The following ZNF18 variants were observed in gnomAD, a reference collection of about 807,000 sequenced individuals.
ZNF18 encodes the protein heart development-specific gene 1 protein.
ZNF18 carries 42 observed loss-of-function variants against 58.1 expected under a neutral mutation model. The observed-to-expected ratio is 0.72, with a 90% CI of 0.56 to 0.93. The LOEUF is 0.93. Among genes scored for constraint, ZNF18 ranks in the 40% least tolerant of loss-of-function variants. ZNF18 has a pLI of 0.00. For missense variants in ZNF18, 540 were observed against 644.2 expected (o/e 0.84, Z 1.75); for synonymous variants, 231 against 239.8 (o/e 0.96, Z 0.34).
At position 11,992,924 on chromosome 17, in the gene ZNF18, T is replaced by G. The variant is rs1257486464; in HGVS notation, c.-82-13A>C. Reference sequence around the variant, plus strand: ...CTTCACCAGGACACTAAAAAGGGAATGAGATTGAGTGCTACACAGAGGAAG... The same window carrying G: ...CTTCACCAGGACACTAAAAAGGGAAGGAGATTGAGTGCTACACAGAGGAAG... On this transcript the variant is annotated splice_polypyrimidine_tract_variant and intron_variant, in intron 1 of 6. Transcript: ENST00000580306. 2.2e-6 allele frequency: 3 copies of G among 1,368,518 alleles called. No homozygotes were observed. The highest frequency in any genetic ancestry group is 2.9e-5 in the African/African-American group (2 of 68,652). The allele number at this position is 1,368,518 out of a possible 1,614,324, so 84.8% of individuals were successfully genotyped here.
chr17:12,010,986 CTTGT>C, the ZNF18 span: 1 of 735,082 alleles, frequency 1.4e-6, no homozygotes, highest in South Asian at 1.4e-5. Context: ...TTGCCCTTAA[CTTGT>C]TTGTTTACAA....
the ZNF18 span, among the ~76,000 whole-genome samples, chr17:12,015,318 G>C: frequency 6.6e-6 from 1 of 152,136 alleles, no homozygotes; most frequent in South Asian, 2.1e-4. Flanking sequence ...TGCATGTGAG[G>C]CCCTTTCTTG....
rs1328015806 is a variant in ZNF18, at chr17:11,997,455, G to A, written c.-107C>T. 2 of 152,264 alleles carry A rather than the reference G, an allele frequency of 1.3e-5. No homozygotes were observed. The highest frequency in any genetic ancestry group is 4.8e-5 in the African/African-American group (2 of 41,454). 9.4% of individuals were successfully genotyped at this position (152,264 alleles called of 1,614,324 possible). A position where few individuals can be genotyped will look rare whatever the true frequency, so the allele number is the denominator to read the frequency against. On this transcript the variant is annotated 5_prime_UTR_variant, in exon 1 of 7. Coordinates refer to ENST00000580306, the MANE Select transcript of ZNF18 (RefSeq NM_001303281.2). ...CCTCGGCCCGCGGCGCCGGCTCCGG[G>A]CGCACTTCCGGGAGCTGGGTGGCTG...
chr17:11,991,991 A>G (rs1202070192), intron 2 of ZNF18, among the ~76,000 whole-genome samples: 2 of 152,030 alleles, frequency 1.3e-5, no homozygotes, highest in Non-Finnish European at 2.9e-5. Context: ...GAAGCATGGA[A>G]GCTCCACGCT....
At chr17:12,020,828 G>A in the ZNF18 span, 5 of 790,792 alleles carry the variant, frequency 6.3e-6, no homozygotes, top group East Asian at 3.5e-5. Context: ...GGCCGTGCGA[G>A]AGGCCGAGCT....
At position 11,992,895 on chromosome 17, in the gene ZNF18, A is replaced by G; in HGVS notation, c.-66T>C. On this transcript the variant is annotated 5_prime_UTR_variant, in exon 2 of 7. Coordinates refer to ENST00000580306, the MANE Select transcript of ZNF18 (RefSeq NM_001303281.2). ...AGTGGAATTGTCTCCGGCAAGAACT[A>G]GGTCTTCACCAGGACACTAAAAAGG... 1 of 1,530,852 alleles carries G rather than the reference A, an allele frequency of 6.5e-7. No homozygotes were observed. Among genetic ancestry groups the G allele is most frequent in the Non-Finnish European group, 8.8e-7 (1 of 1,140,834 alleles). The allele number at this position is 1,530,852 out of a possible 1,614,324, so 94.8% of individuals were successfully genotyped here. A position where few individuals can be genotyped will look rare whatever the true frequency, so the allele number is the denominator to read the frequency against.
intron 4 of ZNF18, among the ~76,000 whole-genome samples, chr17:11,984,817 GTTTT>G (rs1967632389): frequency 6.6e-6 from 1 of 152,040 alleles, no homozygotes; most frequent in Non-Finnish European, 1.5e-5. Flanking sequence ...GGTACTATTT[GTTTT>G]TTGTTTTTGT....
At chr17:11,987,160 T>C (rs1967804830) in intron 4 of ZNF18, among the ~76,000 whole-genome samples, 1 of 152,208 alleles carries the variant, frequency 6.6e-6, no homozygotes, top group South Asian at 2.1e-4. Flanking sequence ...GGCACCATCT[T>C]GTGGGTTTAT....
intron 1 of ZNF18, among the ~76,000 whole-genome samples, chr17:11,993,232 A>C (rs1379190959): frequency 6.6e-6 from 1 of 152,208 alleles, no homozygotes. Context: ...CGGCTCTTCT[A>C]CAAAACACTT....
chr17:11,979,954 A>G (rs975109710), intron 6 of ZNF18, among the ~76,000 whole-genome samples: 1 of 152,182 alleles, frequency 6.6e-6, no homozygotes, highest in Non-Finnish European at 1.5e-5. Context: ...ATGGAAATCT[A>G]ATTTGCTTAT....
At chr17:12,012,399 T>C in the ZNF18 span, among the ~76,000 whole-genome samples, 1 of 152,146 alleles carries the variant, frequency 6.6e-6, no homozygotes, top group African/African-American at 2.4e-5. Flanking sequence ...AATATTTTGC[T>C]ACAAAAATAC....
chr17:11,983,680 G>A (rs1967531908), intron 5 of ZNF18, among the ~76,000 whole-genome samples: 1 of 152,064 alleles, frequency 6.6e-6, no homozygotes, highest in African/African-American at 2.4e-5. Flanking sequence ...GAATCATGAT[G>A]GGGATCCCAC....
upstream of ZNF18, among the ~76,000 whole-genome samples, chr17:12,001,422 G>A (rs982966716): frequency 3.9e-5 from 6 of 152,098 alleles, no homozygotes; most frequent in Non-Finnish European, 5.9e-5. Flanking sequence ...AAGGTCAGGA[G>A]ATCAAGACCA....
At chr17:11,994,621 C>A (rs1968345783) in intron 1 of ZNF18, among the ~76,000 whole-genome samples, 1 of 152,046 alleles carries the variant, frequency 6.6e-6, no homozygotes, top group South Asian at 2.1e-4. Flanking sequence ...GTGGCTGGAT[C>A]ACAAGGTCAG....
Position 11,977,902 on chromosome 17 carries a change from T to C in ZNF18, c.*55A>G. On this transcript the variant is annotated 3_prime_UTR_variant, in exon 7 of 7. Coordinates refer to ENST00000580306, the MANE Select transcript of ZNF18 (RefSeq NM_001303281.2). ...CACAATTCCTCTTGATGGAGCTGAG[T>C]ATTTTTGTGACTGGGCTGGGAGATA... 4 of 1,516,554 alleles carry C rather than the reference T, an allele frequency of 2.6e-6. No individual in the cohort carries two copies. The highest frequency in any genetic ancestry group is 3.5e-6 in the Non-Finnish European group (4 of 1,133,058). 93.9% of individuals were successfully genotyped at this position (1,516,554 alleles called of 1,614,324 possible). A position where few individuals can be genotyped will look rare whatever the true frequency, so the allele number is the denominator to read the frequency against.
the ZNF18 span, among the ~76,000 whole-genome samples, chr17:12,013,348 T>G: frequency 5.9e-5 from 9 of 152,370 alleles, 1 homozygote; most frequent in South Asian, 1.9e-3. Flanking sequence ...CTTTGCTTAT[T>G]GTGTTTTTTG....
chr17:12,010,157 TAA>T, the ZNF18 span, among the ~76,000 whole-genome samples: 1 of 143,964 alleles, frequency 6.9e-6, no homozygotes, highest in East Asian at 2.0e-4. Context: ...AACTTATAAG[TAA>T]AAAAAAAAAG....
At chr17:11,989,545 C>T (rs548283557) in intron 4 of ZNF18, among the ~76,000 whole-genome samples, 46 of 152,060 alleles carry the variant, frequency 3.0e-4, no homozygotes, top group African/African-American at 1.0e-3. Flanking sequence ...AATAAAGCCC[C>T]AAATCAAACT....
At chr17:12,005,968 G>A in the ZNF18 span, among the ~76,000 whole-genome samples, 2 of 46,214 alleles carry the variant, frequency 4.3e-5, no homozygotes, top group African/African-American at 1.9e-4. Flanking sequence ...AGATCTGGGA[G>A]CTTCTTAAAC....
Sources: allele counts gnomAD v4.1 joint callset (sites outside exome capture counted in the v4.1 genomes callset), GRCh38; gene constraint gnomAD v4.1.1; transcripts MANE v1.5; gene names NCBI Gene and HGNC (gene_info 2026-07-23, HGNC 2026-07-21).